TIAL1: variants seen among roughly 807,000 people sequenced by gnomAD.
The protein encoded by TIAL1 is TIA1 cytotoxic granule associated RNA binding protein like 1, also known as nucleolysin TIAR.
Under a neutral mutation model 59.7 loss-of-function variants are expected in TIAL1, and 7 were observed. That is an observed-to-expected ratio of 0.12 (90% confidence interval 0.07 to 0.22). The LOEUF (loss-of-function observed/expected upper bound fraction) is 0.22. TIAL1 is among the 10% of genes least tolerant of loss of function. TIAL1 has a pLI of 1.00. For missense variants in TIAL1, 225 were observed against 462.5 expected (o/e 0.49, Z 4.71); for synonymous variants, 149 against 146.3 (o/e 1.02, Z -0.13).
chr10:119,585,122 C>CA (rs34500092), intron 2 of TIAL1, among the ~76,000 whole-genome samples: 164 of 46,378 alleles, frequency 3.5e-3, no homozygotes, highest in South Asian at 0.031. Flanking sequence ...GATTCCATCT[C>CA]AAAAAAAAAA....
intron 1 of TIAL1, among the ~76,000 whole-genome samples, chr10:119,596,197 G>A (rs1753569157): frequency 2.0e-5 from 3 of 152,170 alleles, no homozygotes. Context: ...AAAGAAGGAC[G>A]CCAGAGAAAA....
At chr10:119,585,872 TG>T (rs200270377) in intron 2 of TIAL1, among the ~76,000 whole-genome samples, 1 of 152,184 alleles carries the variant, frequency 6.6e-6, no homozygotes, top group East Asian at 1.9e-4. Context: ...TCACTACAGT[TG>T]ACCACCATCC....
intron 5 of TIAL1, chr10:119,581,588 A>G (rs960115273): frequency 3.0e-5 from 6 of 198,434 alleles, no homozygotes; most frequent in Middle Eastern, 2.1e-3. Context: ...TCATTATCCT[A>G]AACCATCAAA....
Position 119,575,779 on chromosome 10 carries a change from A to G in TIAL1, c.1014T>C (p.Ser338=). The G allele has an allele frequency of 1.9e-6, 3 of 1,551,782 alleles. No homozygotes were observed. Among genetic ancestry groups the G allele is most frequent in the Non-Finnish European group, 2.6e-6 (3 of 1,155,546 alleles). ...QQGFGVDQSP[S]AAWMGGFGAQ... ...CACCAAATCCACCCATCCAAGCAGC[A>G]GAAGGTGATTGACTTGGAAGAAAAA... The change falls in exon 12 of 12, where the codon TCT becomes TCC. Residue 338 remains serine (S), a synonymous_variant. Coordinates refer to ENST00000436547, the MANE Select transcript of TIAL1 (RefSeq NM_003252.4).
At chr10:119,578,870 A>G (rs1212180135) in intron 6 of TIAL1, 36 bp from the exon 7 acceptor site, 1 of 1,519,294 alleles carries the variant, frequency 6.6e-7, no homozygotes, top group Non-Finnish European at 9.1e-7. Context: ...CACAAAGAAA[A>G]GAGTGATAAA....
At chr10:119,577,776 T>C (rs764496688) in intron 7 of TIAL1, 40 bp from the exon 8 acceptor site, 19 of 1,509,308 alleles carry the variant, frequency 1.3e-5, no homozygotes, top group Non-Finnish European at 1.7e-5. Context: ...ACTGTTATAT[T>C]GTACTATGAA....
In TIAL1 at chr10:119,581,907, G is replaced by C; in HGVS notation, c.371+15C>G. The stretch of plus-strand genomic sequence containing the variant: ...GCCTATCATGACTGAGTGTAGTACT[G>C]ATTATGATACTTACGATATTTTACC... On this transcript the variant is annotated intron_variant, in intron 5 of 11. Coordinates refer to ENST00000436547, the MANE Select transcript of TIAL1 (RefSeq NM_003252.4). The C allele has an allele frequency of 1.3e-6, 2 of 1,590,834 alleles. No homozygotes were observed. The highest frequency in any genetic ancestry group is 4.5e-5 in the East Asian group (2 of 44,678).
chr10:119,588,621 A>G (rs1845694697), intron 1 of TIAL1, among the ~76,000 whole-genome samples: 3 of 152,120 alleles, frequency 2.0e-5, no homozygotes, highest in Admixed American at 6.6e-5. Flanking sequence ...TGGAATTACA[A>G]GCGTGAGCCA....
chr10:119,590,754 GAGAA>G (rs1291540847), intron 1 of TIAL1, among the ~76,000 whole-genome samples: 1 of 84,184 alleles, frequency 1.2e-5, no homozygotes, highest in African/African-American at 5.3e-5. Context: ...GAGAGACAGA[GAGAA>G]AGAGAGAAAG....
At chr10:119,577,414 T>C in intron 9 of TIAL1, 37 bp downstream of exon 9, 1 of 1,561,782 alleles carries the variant, frequency 6.4e-7, no homozygotes, top group African/African-American at 1.4e-5. Flanking sequence ...ATGAATCAAA[T>C]ATAAGAGTAA....
intron 6 of TIAL1, 161 bp from the exon 7 acceptor site, chr10:119,578,995 C>T (rs3009879): frequency 0.48 from 290,080 of 607,408 alleles, 74,401 homozygotes; most frequent in East Asian, 0.79. Flanking sequence ...AATTAGAAAA[C>T]GATTTGAACT....
At chr10:119,580,099 AT>A in intron 5 of TIAL1, 89 bp from the exon 6 acceptor site, 2 of 1,064,210 alleles carry the variant, frequency 1.9e-6, no homozygotes, top group Non-Finnish European at 1.4e-6. Context: ...TATTGTGAGC[AT>A]TTTTAAAATA....
chr10:119,576,397 C>T (rs1007533536), intron 11 of TIAL1, among the ~76,000 whole-genome samples: 4 of 152,130 alleles, frequency 2.6e-5, no homozygotes, highest in African/African-American at 4.8e-5. Flanking sequence ...ATAGGACACA[C>T]TAAATGTTAC....
At chr10:119,595,964 G>A (rs1463185274) in intron 1 of TIAL1, among the ~76,000 whole-genome samples, 1 of 151,918 alleles carries the variant, frequency 6.6e-6, no homozygotes, top group Non-Finnish European at 1.5e-5. Context: ...GAAGAGCTGG[G>A]AGCGACTCGA....
chr10:119,593,493 T>C, intron 1 of TIAL1: 2 of 985,824 alleles, frequency 2.0e-6, no homozygotes, highest in Non-Finnish European at 1.2e-6. Flanking sequence ...GATAGAACCA[T>C]ATGTCTTAGC....
At chr10:119,576,506 T>C (rs549403719) in intron 11 of TIAL1, 105 bp downstream of exon 11, 3 of 1,422,394 alleles carry the variant, frequency 2.1e-6, no homozygotes, top group Non-Finnish European at 1.9e-6. Context: ...TAATGCCAAA[T>C]AGCTCAATGT....
rs3064561 is a variant in TIAL1, at chr10:119,595,437, T to TA, written c.32+996dup. Among the ~76,000 whole-genome samples, 1,126 of 139,820 alleles carry TA rather than the reference T, an allele frequency of 8.1e-3. 14 individuals are homozygous for TA. The highest frequency in any genetic ancestry group is 0.022 in the African/African-American group (855 of 38,450). The allele number at this position is 139,820 out of a possible 152,430, so 91.7% of individuals were successfully genotyped here. A position where few individuals can be genotyped will look rare whatever the true frequency, so the allele number is the denominator to read the frequency against. ...CATTTAATTAAAAAGTATTCAGACTTAAAAAAAAAAAAAAAGATGCAGAGA... is the reference window on the plus strand; with the variant it reads ...CATTTAATTAAAAAGTATTCAGACTTAAAAAAAAAAAAAAAAGATGCAGAGA... On this transcript the variant is annotated intron_variant, in intron 1 of 11. Transcript: ENST00000436547.
At chr10:119,584,144 G>A (rs1010012920) in intron 2 of TIAL1, among the ~76,000 whole-genome samples, 2 of 151,906 alleles carry the variant, frequency 1.3e-5, no homozygotes, top group Non-Finnish European at 2.9e-5. Context: ...CTATCTAATA[G>A]TAGGCCAGCT....
Position 119,583,708 on chromosome 10 carries a change from G to A in TIAL1, c.130-1151C>T, listed in dbSNP as rs548087323. On this transcript the variant is annotated intron_variant, in intron 2 of 11. Coordinates refer to ENST00000436547, the MANE Select transcript of TIAL1 (RefSeq NM_003252.4). The stretch of plus-strand genomic sequence containing the variant: ...TTAGAAGAAAAATCCAAAATAAGAC[G>A]TCTAAACAATAGTGGCAAAGGAACC... 5.3e-4 allele frequency among the ~76,000 whole-genome samples: 81 copies of A among 152,098 alleles called. 1 individual carries two copies. The highest frequency in any genetic ancestry group is 1.8e-3 in the African/African-American group (75 of 41,482).
Sources: allele counts gnomAD v4.1 joint callset (sites outside exome capture counted in the v4.1 genomes callset), GRCh38; gene constraint gnomAD v4.1.1; transcripts MANE v1.5; gene names NCBI Gene and HGNC (gene_info 2026-07-23, HGNC 2026-07-21).